MSI1: variants seen among roughly 807,000 people sequenced by gnomAD.
The protein encoded by MSI1 is RNA-binding protein Musashi homolog 1.
Under a neutral mutation model 54.4 loss-of-function variants are expected in MSI1, and 15 were observed. That is an observed-to-expected ratio of 0.28 (90% CI 0.18 to 0.42). The LOEUF (loss-of-function observed/expected upper bound fraction) is 0.42. Among genes scored for constraint, MSI1 ranks in the 20% least tolerant of loss-of-function variants. The probability of loss-of-function intolerance (pLI) is 1.00; values close to 1 mark genes in which losing one functional copy is unlikely to be tolerated. For missense variants in MSI1, 304 were observed against 506.0 expected, an observed-to-expected ratio of 0.60 and a Z score of 3.83; for synonymous variants, 200 against 196.5, an observed-to-expected ratio of 1.02 and a Z score of -0.15.
At chr12:120,365,340 G>A (rs1381067914) in intron 4 of MSI1, among the ~76,000 whole-genome samples, 4 of 152,064 alleles carry the variant, frequency 2.6e-5, no homozygotes, top group Non-Finnish European at 5.9e-5. Context: ...CTGCAAAATG[G>A]GCAAATAATA....
chr12:120,359,843 C>T (rs1739774048), intron 6 of MSI1, among the ~76,000 whole-genome samples: 1 of 152,122 alleles, frequency 6.6e-6, no homozygotes, highest in African/African-American at 2.4e-5. Flanking sequence ...TGATACCCAA[C>T]CCAATCCTAC....
At chr12:120,343,428 TGCCC>T (rs1471522057) in intron 14 of MSI1, among the ~76,000 whole-genome samples, 1 of 152,058 alleles carries the variant, frequency 6.6e-6, no homozygotes, top group African/African-American at 2.4e-5. Context: ...TTCACTATAT[TGCCC>T]AGGCTAGTCT....
At chr12:120,355,784 AAAG>A (rs775796592) in intron 9 of MSI1, among the ~76,000 whole-genome samples, 41 of 152,286 alleles carry the variant, frequency 2.7e-4, no homozygotes, top group Non-Finnish European at 4.3e-4. Flanking sequence ...GTTAAAGAAA[AAAG>A]AAAAGCTTCA....
rs752795681 is a variant in MSI1 at position 120,368,036 on chromosome 12, T to C, written c.239A>G (p.Gln80Arg). 1.9e-6 allele frequency: 3 copies of C among 1,613,364 alleles called. No individual in the cohort carries two copies. Among genetic ancestry groups the C allele is most frequent in the Admixed American group, 1.7e-5 (1 of 59,954 alleles). Residue 80 changes from glutamine to arginine, a missense_variant, in exon 4 of 15, where the codon CAA becomes CGA. Transcript: ENST00000257552. The surrounding 1 kb of genome is among the most constrained non-coding windows in gnomAD (Gnocchi z 6.6). ...DQAGVDKVLA[Q>R]SRHELDSKTI... Reference sequence around the variant, plus strand: ...TTTGGAGTCGAGCTCGTGCCGCGATTGCGCCAGCACTTTATCCACCCCCGC... The same window carrying C: ...TTTGGAGTCGAGCTCGTGCCGCGATCGCGCCAGCACTTTATCCACCCCCGC...
intron 6 of MSI1, among the ~76,000 whole-genome samples, chr12:120,359,931 G>A (rs1358007714): frequency 6.6e-6 from 1 of 151,912 alleles, no homozygotes; most frequent in Non-Finnish European, 1.5e-5. Context: ...ATCAAGCCAT[G>A]GGTAACCAGC....
chr12:120,341,264 A>G (rs1873658981), downstream of MSI1: 1 of 152,560 alleles, frequency 6.6e-6, no homozygotes, highest in African/African-American at 2.4e-5. Flanking sequence ...GAGTCCTGCC[A>G]TCCCTAAAAC....
chr12:120,352,060 C>T (rs924474382), intron 10 of MSI1, among the ~76,000 whole-genome samples: 4 of 150,238 alleles, frequency 2.7e-5, no homozygotes, highest in Non-Finnish European at 4.4e-5. Flanking sequence ...CTCTGCTGCC[C>T]AGGCTGGAAT....
intron 4 of MSI1, among the ~76,000 whole-genome samples, chr12:120,366,333 C>T (rs1487984589): frequency 3.3e-5 from 5 of 152,182 alleles, no homozygotes; most frequent in African/African-American, 4.8e-5. Context: ...GAGATGGAAC[C>T]TCCAAAATCC....
chr12:120,354,994 G>T (rs1874955916), intron 9 of MSI1, among the ~76,000 whole-genome samples: 1 of 114,408 alleles, frequency 8.7e-6, no homozygotes, highest in Admixed American at 1.3e-4. Flanking sequence ...AGGAGTTCGA[G>T]ACCAGCTGGG....
chr12:120,345,967 A>C (rs1354470481), intron 13 of MSI1, among the ~76,000 whole-genome samples, 168 bp downstream of exon 13: 2 of 152,212 alleles, frequency 1.3e-5, no homozygotes, highest in Non-Finnish European at 2.9e-5. Context: ...CTAAGTGCCC[A>C]CTGAATGAAT....
rs898332172 is a variant in MSI1, at chr12:120,341,531, G to C, written c.*1596C>G. Reference sequence around the variant, plus strand: ...TCCTGAGCCCATGGTTGGGCCCAGTGGGGTGGAAGGGTCCGGGAATGAGGG... The same window carrying C: ...TCCTGAGCCCATGGTTGGGCCCAGTCGGGTGGAAGGGTCCGGGAATGAGGG... On this transcript the variant is annotated 3_prime_UTR_variant, in exon 15 of 15. Transcript: ENST00000257552. 6.6e-6 allele frequency: 1 copy of C among 152,186 alleles called. No homozygotes were observed. The highest frequency in any genetic ancestry group is 1.5e-5 in the Non-Finnish European group (1 of 67,942). 9.4% of individuals were successfully genotyped at this position (152,186 alleles called of 1,614,324 possible). A position where few individuals can be genotyped will look rare whatever the true frequency, so the allele number is the denominator to read the frequency against.
In MSI1 at chr12:120,368,909, A is replaced by G; in HGVS notation, c.60-36T>C. 7.4e-7 allele frequency: 1 copy of G among 1,359,758 alleles called. No individual in the cohort carries two copies. The highest frequency in any genetic ancestry group is 1.6e-5 in the South Asian group (1 of 63,158). 84.2% of individuals were successfully genotyped at this position (1,359,758 alleles called of 1,614,324 possible). A position where few individuals can be genotyped will look rare whatever the true frequency, so the allele number is the denominator to read the frequency against. ...AGGAGAGACACAAAGGGCCCGCGTG[A>G]GCGCCGGGCGCCAGGGCGCAGGGGG... On this transcript the variant is annotated intron_variant, in intron 1 of 14. Transcript: ENST00000257552. This position sits in a 1 kb window ranked among gnomAD's most constrained non-coding sequence, Gnocchi z 6.6.
Position 120,368,840 on chromosome 12 carries a change from A to T in MSI1, c.93T>A (p.Thr31=). ...GCTCCCGGGCTCGCTCACCCTGCGTAGTCTGCCAACTGAGTCCCCCGATGA... is the reference window on the plus strand; with the variant it reads ...GCTCCCGGGCTCGCTCACCCTGCGTTGTCTGCCAACTGAGTCCCCCGATGA... The part of the protein sequence containing the change: ...KMFIGGLSWQ[T]TQEGLREYFG... The change falls in exon 2 of 15, where the codon ACT becomes ACA. Residue 31 remains threonine, a synonymous_variant. Transcript: ENST00000257552. This position sits in a 1 kb window ranked among gnomAD's most constrained non-coding sequence, Gnocchi z 6.6. 1 of 1,457,136 alleles carries T rather than the reference A, an allele frequency of 6.9e-7. No homozygotes were observed. The highest frequency in any genetic ancestry group is 9.1e-7 in the Non-Finnish European group (1 of 1,093,654). 90.3% of individuals were successfully genotyped at this position (1,457,136 alleles called of 1,614,324 possible). A position where few individuals can be genotyped will look rare whatever the true frequency, so the allele number is the denominator to read the frequency against.
intron 11 of MSI1, among the ~76,000 whole-genome samples, chr12:120,348,959 G>A (rs548587140): frequency 2.6e-5 from 4 of 151,922 alleles, no homozygotes; most frequent in East Asian, 1.9e-4. Flanking sequence ...AGCTGGTCTC[G>A]AACTCCTGAC....
At chr12:120,359,310 G>A (rs1052322800) in intron 6 of MSI1, among the ~76,000 whole-genome samples, 3 of 152,152 alleles carry the variant, frequency 2.0e-5, no homozygotes, top group Non-Finnish European at 4.4e-5. Flanking sequence ...AGATCCCCAT[G>A]GTGTAGATAA....
At chr12:120,346,429 A>G (rs2136900096) in intron 12 of MSI1, 107 bp from the exon 13 acceptor site, 1 of 1,180,626 alleles carries the variant, frequency 8.5e-7, no homozygotes, top group East Asian at 2.8e-5. Flanking sequence ...CACATTTCAG[A>G]AAGTCCTGTG....
rs1226645403 is a variant in MSI1, at chr12:120,368,408, G to T, written c.101-135C>A. 1.2e-6 allele frequency: 1 copy of T among 844,578 alleles called. No individual in the cohort carries two copies. Among genetic ancestry groups the T allele is most frequent in the African/African-American group, 2.0e-5 (1 of 50,512 alleles). 52.3% of individuals were successfully genotyped at this position (844,578 alleles called of 1,614,324 possible). ...TGCCCGCGCGTTCTCCACTGCCGCC[G>T]CCCCCCACCGCCCTCGCCCCGTTCC... On this transcript the variant is annotated intron_variant, in intron 2 of 14. Transcript: ENST00000257552. The surrounding 1 kb of genome is among the most constrained non-coding windows in gnomAD (Gnocchi z 6.6).
At chr12:120,352,103 G>A (rs1043250732) in intron 10 of MSI1, among the ~76,000 whole-genome samples, 4 of 148,476 alleles carry the variant, frequency 2.7e-5, no homozygotes, top group South Asian at 2.1e-4. Flanking sequence ...CTACACACTC[G>A]ACCTCCTGGG....
At chr12:120,347,638 C>T (rs1294701873) in intron 11 of MSI1, 124 bp from the exon 12 acceptor site, 2 of 1,201,212 alleles carry the variant, frequency 1.7e-6, no homozygotes, top group Non-Finnish European at 2.4e-6. Context: ...CATGTAGCCC[C>T]AGGGTCAAGG....
Sources: gnomAD v4.1 joint callset for allele counts (sites outside exome capture counted in the v4.1 genomes callset) on GRCh38, gnomAD v4.1.1 for gene constraint, Gnocchi (gnomAD v3.1) non-coding constraint, MANE v1.5 for transcripts, NCBI Gene and HGNC (gene_info 2026-07-23, HGNC 2026-07-21) for gene names.